Variants in SDK1 observed in about 807,000 individuals in gnomAD.
SDK1 encodes the protein sidekick cell adhesion molecule 1.
In SDK1, 157 loss-of-function variants were observed where a neutral mutation model predicts 245.5. That is an observed-to-expected ratio of 0.64 (90% CI 0.56 to 0.73). The LOEUF (loss-of-function observed/expected upper bound fraction) is 0.73, where lower values mean the gene tolerates loss of function less well. Ranked by LOEUF, SDK1 falls within the 30% of genes least tolerant of loss-of-function variation. The pLI is 0.00. For missense variants in SDK1, 3,583 were observed against 3,002.3 expected, an observed-to-expected ratio of 1.19 and a Z score of -4.52; for synonymous variants, 1,647 against 1,278.5, an observed-to-expected ratio of 1.29 and a Z score of -6.15.
chr7:3,798,211 C>CTTTTTT (rs71029699), intron 4 of SDK1, among the ~76,000 whole-genome samples: 3 of 53,612 alleles, frequency 5.6e-5, no homozygotes, highest in African/African-American at 1.4e-4. Flanking sequence ...CCTTGGCACT[C>CTTTTTT]TTTTTTTTTT....
At chr7:3,741,596 T>C (rs1057398764) in intron 4 of SDK1, among the ~76,000 whole-genome samples, 2 of 152,218 alleles carry the variant, frequency 1.3e-5, no homozygotes, top group African/African-American at 4.8e-5. Context: ...TTTGTGCTTT[T>C]TGAACTCAGC....
intron 14 of SDK1, among the ~76,000 whole-genome samples, chr7:4,009,433 G>A (rs1489604184): frequency 1.3e-5 from 2 of 152,238 alleles, no homozygotes; most frequent in African/African-American, 4.8e-5. Flanking sequence ...CATGATACAA[G>A]TGGAAGGGTT....
intron 1 of SDK1, among the ~76,000 whole-genome samples, chr7:3,511,899 C>G (rs761697720): frequency 2.7e-5 from 4 of 148,956 alleles, no homozygotes; most frequent in Admixed American, 1.4e-4. Context: ...CGTGCACAGC[C>G]TCCTCCATGA....
In SDK1 at chr7:3,424,765, C is replaced by T. The variant is rs192990255; in HGVS notation, c.298+122881C>T. On this transcript the variant is annotated intron_variant, in intron 1 of 44. Coordinates refer to ENST00000404826, the MANE Select transcript of SDK1 (RefSeq NM_152744.4). ...TAAAAAAACTAGCCAGGCATGGTGG[C>T]GTGCACCTGTAGTCCTAGCTGCTTG... Among the ~76,000 whole-genome samples, 624 of 152,136 alleles carry T rather than the reference C, an allele frequency of 4.1e-3. 8 individuals are homozygous for T. The highest frequency in any genetic ancestry group is 0.014 in the African/African-American group (581 of 41,502).
intron 44 of SDK1, among the ~76,000 whole-genome samples, chr7:4,250,262 T>C (rs767590286): frequency 1.2e-4 from 19 of 152,232 alleles, no homozygotes; most frequent in Admixed American, 1.0e-3. Context: ...ACATTGTTTG[T>C]TTTAAAATCT....
chr7:3,372,880 C>A (rs979084784), intron 1 of SDK1, among the ~76,000 whole-genome samples: 3 of 152,120 alleles, frequency 2.0e-5, no homozygotes, highest in African/African-American at 4.8e-5. Flanking sequence ...TAGAAACTTG[C>A]TTCAGTCTGT....
intron 1 of SDK1, among the ~76,000 whole-genome samples, chr7:3,305,003 T>C (rs1424494262): frequency 6.6e-6 from 1 of 152,216 alleles, no homozygotes; most frequent in Non-Finnish European, 1.5e-5. Context: ...TGAGGCCACA[T>C]GGCTTGATTT....
chr7:3,368,995 T>TAGTA (rs764980932), intron 1 of SDK1, among the ~76,000 whole-genome samples: 1 of 152,184 alleles, frequency 6.6e-6, no homozygotes, highest in Non-Finnish European at 1.5e-5. Context: ...CTGCCCCAGT[T>TAGTA]AGTAAGTGTC....
chr7:3,851,067 C>G (rs955659867), intron 5 of SDK1, among the ~76,000 whole-genome samples: 2 of 152,032 alleles, frequency 1.3e-5, no homozygotes, highest in Non-Finnish European at 2.9e-5. Flanking sequence ...TTGACCAAAC[C>G]TGATGGTGCA....
chr7:3,731,836 G>C (rs993592971), intron 4 of SDK1, among the ~76,000 whole-genome samples: 2 of 152,130 alleles, frequency 1.3e-5, no homozygotes, highest in African/African-American at 4.8e-5. Flanking sequence ...TCTGTCACCA[G>C]GCTGGAGTGC....
At chr7:3,680,777 C>G (rs1239173273) in intron 4 of SDK1, among the ~76,000 whole-genome samples, 1 of 152,294 alleles carries the variant, frequency 6.6e-6, no homozygotes, top group East Asian at 1.9e-4. Context: ...TCCTCTTCCT[C>G]TTAAAGGCAA....
intron 30 of SDK1, 73 bp downstream of exon 30, chr7:4,149,536 G>C (rs373605409): frequency 9.1e-7 from 1 of 1,103,318 alleles, no homozygotes; most frequent in Non-Finnish European, 1.2e-6. Flanking sequence ...TGTCCAGATA[G>C]TGGGGAGGCT....
chr7:3,972,298 C>G (rs1782551262), intron 12 of SDK1, among the ~76,000 whole-genome samples: 1 of 152,116 alleles, frequency 6.6e-6, no homozygotes, highest in Non-Finnish European at 1.5e-5. Context: ...CCAGGATGGT[C>G]TCGATGTCTT....
chr7:3,761,565 A>AT (rs550851296), intron 4 of SDK1, among the ~76,000 whole-genome samples: 70 of 151,178 alleles, frequency 4.6e-4, no homozygotes, highest in African/African-American at 1.6e-3. Flanking sequence ...AAAAAAAAAA[A>AT]AATAATAATA....
chr7:3,810,243 A>G (rs1779352806), intron 4 of SDK1, among the ~76,000 whole-genome samples: 1 of 152,120 alleles, frequency 6.6e-6, no homozygotes, highest in Admixed American at 6.5e-5. Flanking sequence ...ATGGTTTCCA[A>G]TTTGACTGGA....
chr7:4,192,315 G>A (rs543261883), intron 35 of SDK1, among the ~76,000 whole-genome samples: 1 of 152,214 alleles, frequency 6.6e-6, no homozygotes, highest in South Asian at 2.1e-4. Context: ...TCACTCTGTC[G>A]CCCAGGCTGG....
chr7:3,776,709 T>C (rs1016198589), intron 4 of SDK1, among the ~76,000 whole-genome samples: 2 of 152,088 alleles, frequency 1.3e-5, no homozygotes, highest in African/African-American at 4.8e-5. Flanking sequence ...ATTTTGCTTT[T>C]TTTTTTTTTC....
At position 4,147,855 on chromosome 7, in the gene SDK1, A is replaced by G. The variant is rs139011475; in HGVS notation, c.4424-1407A>G. 1.8e-3 allele frequency among the ~76,000 whole-genome samples: 274 copies of G among 152,148 alleles called. 1 individual carries two copies. Among genetic ancestry groups the G allele is most frequent in the Admixed American group, 4.5e-3 (69 of 15,278 alleles). ...ATGTATTTGTGTGGTTTTATGGTTC[A>G]TTTATCTTAAACATTGACTGTGCCC... On this transcript the variant is annotated intron_variant, in intron 29 of 44. Transcript: ENST00000404826.
rs768846026 is a variant in SDK1 at position 4,055,544 on chromosome 7, GTTGTTGTTGTTTTTGTTT to G, written c.2911+3717_2911+3734del. On this transcript the variant is annotated intron_variant, in intron 19 of 44. Coordinates refer to ENST00000404826, the MANE Select transcript of SDK1 (RefSeq NM_152744.4). The stretch of plus-strand genomic sequence containing the variant: ...TTTTTGGTTTGTTTTTGTTGTTGTT[GTTGTTGTTGTTTTTGTTT>G]TTTGTTTTTTTAGAACCAGCCTCTT... Among the ~76,000 whole-genome samples, 776 of 127,818 alleles carry G rather than the reference GTTGTTGTTGTTTTTGTTT, an allele frequency of 6.1e-3. 5 individuals carry two copies. The highest frequency in any genetic ancestry group is 0.023 in the African/African-American group (525 of 22,768). 83.9% of individuals were successfully genotyped at this position (127,818 alleles called of 152,430 possible). A position where few individuals can be genotyped will look rare whatever the true frequency, so the allele number is the denominator to read the frequency against.
Sources: allele counts gnomAD v4.1 joint callset (sites outside exome capture counted in the v4.1 genomes callset), GRCh38; gene constraint gnomAD v4.1.1; transcripts MANE v1.5; gene names NCBI Gene and HGNC (gene_info 2026-07-23, HGNC 2026-07-21).